The following OR10AG1 variants were observed in gnomAD, a reference collection of about 807,000 sequenced individuals.
OR10AG1 encodes olfactory receptor family 10 subfamily AG member 1, also known as olfactory receptor 10AG1.
For missense variants in OR10AG1, 433 were observed against 376.5 expected, an observed-to-expected ratio of 1.15 and a Z score of -1.24; for synonymous variants, 147 against 128.6, an observed-to-expected ratio of 1.14 and a Z score of -0.97.
chr11:55,969,564 T>A (rs1367865673), intron 1 of OR10AG1, among the ~76,000 whole-genome samples: 1 of 152,164 alleles, frequency 6.6e-6, no homozygotes, highest in Non-Finnish European at 1.5e-5. Flanking sequence ...ATACCTATTT[T>A]AGCCCGGTCA....
chr11:55,968,886 T>A (rs577681193), intron 1 of OR10AG1, among the ~76,000 whole-genome samples: 95 of 152,212 alleles, frequency 6.2e-4, no homozygotes, highest in African/African-American at 2.2e-3. Context: ...CCAGTTTTTT[T>A]AATTCAAAAT....
rs752834906 is a variant in OR10AG1, at chr11:55,967,677, T to A, written c.847A>T (p.Lys283Ter). The A allele has an allele frequency of 5.0e-6, 8 of 1,613,740 alleles. 1 individual carries two copies. The South Asian group carries it at 8.8e-5, about 18-fold the overall frequency. ...ATGGTGTAGAAAAGAGAAATCAGTT[T>A]CCCCATCCTTTGAAACTGATGTGGT... ...PKPHQFQRMG[K>*]LISLFYTILI... Residue 283 changes from lysine (K) to a stop codon, truncating the protein, a stop_gained, in exon 2 of 2, where the codon AAA becomes TAA. Coordinates refer to ENST00000641071, the MANE Select transcript of OR10AG1 (RefSeq NM_001005491.2). LOFTEE classifies it low-confidence loss of function (END_TRUNC).
rs1427798844 is a variant in OR10AG1 at position 55,967,338 on chromosome 11, T to C, written c.*220A>G. On this transcript the variant is annotated 3_prime_UTR_variant, in exon 2 of 2. Transcript: ENST00000641071. ...CTTAATCAACAGTTAACCATTGATC[T>C]TCAGAATGAGATCTTGGCACCTTAG... The C allele has an allele frequency of 2.3e-6, 1 of 429,756 alleles. No homozygotes were observed. The highest frequency in any genetic ancestry group is 4.1e-6 in the Non-Finnish European group (1 of 242,736). 26.6% of individuals were successfully genotyped at this position (429,756 alleles called of 1,614,324 possible).
Position 55,967,359 on chromosome 11 carries a change from CTTAG to C in OR10AG1, c.*195_*198del, listed in dbSNP as rs1225010883. 12 of 461,828 alleles carry C rather than the reference CTTAG, an allele frequency of 2.6e-5. No individual in the cohort carries two copies. The Admixed American group carries it at 2.7e-4, about 11-fold the overall frequency. 28.6% of individuals were successfully genotyped at this position (461,828 alleles called of 1,614,324 possible). On this transcript the variant is annotated 3_prime_UTR_variant, in exon 2 of 2. Coordinates refer to ENST00000641071, the MANE Select transcript of OR10AG1 (RefSeq NM_001005491.2). ...GATCTTCAGAATGAGATCTTGGCACCTTAGTTAAATTGTGCTCCAACTGCACAGT... is the reference window on the plus strand; with the variant it reads ...GATCTTCAGAATGAGATCTTGGCACCTTAAATTGTGCTCCAACTGCACAGT...
In OR10AG1 at chr11:55,969,904, G is replaced by T. The variant is rs957512849; in HGVS notation, c.4C>A (p.Gln2Lys). 2.5e-6 allele frequency: 1 copy of T among 398,194 alleles called. No individual in the cohort carries two copies. The highest frequency in any genetic ancestry group is 4.4e-6 in the Non-Finnish European group (1 of 225,918). 24.7% of individuals were successfully genotyped at this position (398,194 alleles called of 1,614,324 possible). Residue 2 changes from glutamine (Q) to lysine (K), a missense_variant, in exon 1 of 2, where the codon CAA becomes AAA. Gln to Lys is a moderately conservative substitution (Grantham distance 53, BLOSUM62 1). Coordinates refer to ENST00000641071, the MANE Select transcript of OR10AG1 (RefSeq NM_001005491.2). M[Q>K]IPKDGEQTKR... is the part of the protein sequence containing the mutation. ...AATTATGGCTTACCTTTAGGGATTT[G>T]CATGAAGCTGTCTGTACAGACTTTT... is the stretch of plus-strand genomic sequence containing the variant.
rs1009977854 is a variant in OR10AG1 at position 55,967,358 on chromosome 11, C to A, written c.*200G>T. On this transcript the variant is annotated 3_prime_UTR_variant, in exon 2 of 2. Transcript: ENST00000641071. ...TGATCTTCAGAATGAGATCTTGGCA[C>A]CTTAGTTAAATTGTGCTCCAACTGC... 6.5e-6 allele frequency: 3 copies of A among 461,630 alleles called. No individual in the cohort carries two copies. The South Asian group carries it at 1.1e-4, about 16-fold the overall frequency. 28.6% of individuals were successfully genotyped at this position (461,630 alleles called of 1,614,324 possible). A position where few individuals can be genotyped will look rare whatever the true frequency, so the allele number is the denominator to read the frequency against.
In OR10AG1 at chr11:55,968,334, G is replaced by C; in HGVS notation, c.190C>G (p.Pro64Ala). Residue 64 changes from proline (P) to alanine (A), a missense_variant, in exon 2 of 2, where the codon CCC becomes GCC. By Grantham distance (27) the Pro-to-Ala change is conservative. Transcript: ENST00000641071. ...AAATACATGGGAGTCTGGAGAGCGG[G>C]GTGAATTTTTATTAGTAGTATTATG... The part of the protein sequence containing the change: ...GIIILLIKIH[P>A]ALQTPMYFFL... The C allele has an allele frequency of 6.2e-7, 1 of 1,612,956 alleles. No homozygotes were observed. Among genetic ancestry groups the C allele is most frequent in the Non-Finnish European group, 8.5e-7 (1 of 1,179,112 alleles).
chr11:55,968,321 G>A lies in OR10AG1; in HGVS notation c.203C>T (p.Thr68Ile). Residue 68 changes from threonine to isoleucine, a missense_variant, in exon 2 of 2, where the codon ACT becomes ATT. By Grantham distance (89) the Thr-to-Ile change is moderately conservative (BLOSUM62 -1). Coordinates refer to ENST00000641071, the MANE Select transcript of OR10AG1 (RefSeq NM_001005491.2). ...ATTGCTAAGAAAAAAATACATGGGAGTCTGGAGAGCGGGGTGAATTTTTAT... is the reference window on the plus strand; with the variant it reads ...ATTGCTAAGAAAAAAATACATGGGAATCTGGAGAGCGGGGTGAATTTTTAT... ...LLIKIHPALQ[T>I]PMYFFLSNFS... is the part of the protein sequence containing the mutation. The A allele has an allele frequency of 6.2e-7, 1 of 1,613,416 alleles. No homozygotes were observed. The highest frequency in any genetic ancestry group is 8.5e-7 in the Non-Finnish European group (1 of 1,179,444).
rs932636464 is a variant in OR10AG1, at chr11:55,967,517, A to C, written c.*41T>G. The C allele has an allele frequency of 2.2e-6, 3 of 1,339,436 alleles. No homozygotes were observed. The highest frequency in any genetic ancestry group is 3.1e-6 in the Non-Finnish European group (3 of 970,076). The allele number at this position is 1,339,436 out of a possible 1,614,324, so 83.0% of individuals were successfully genotyped here. On this transcript the variant is annotated 3_prime_UTR_variant, in exon 2 of 2. Transcript: ENST00000641071. ...AAAAATTCACTGAAGCCACATGACAAACCTATAAAGAAATTATTTCTGTAA... is the reference window on the plus strand; with the variant it reads ...AAAAATTCACTGAAGCCACATGACACACCTATAAAGAAATTATTTCTGTAA...
In OR10AG1 at chr11:55,968,507, T is replaced by G; in HGVS notation, c.17A>C (p.Asp6Ala). ...TTTTTCTCTTTTAGTTTGCTCTCCA[T>G]CTGCAGATATAGCAAATTCAAGACA... MQIPK[D>A]GEQTKREKSN... Residue 6 changes from aspartate (D) to alanine (A), a missense_variant and splice_region_variant, in exon 2 of 2, where the codon GAT becomes GCT. Asp to Ala is a moderately radical substitution (Grantham distance 126). Transcript: ENST00000641071. 1 of 1,233,132 alleles carries G rather than the reference T, an allele frequency of 8.1e-7. No individual in the cohort carries two copies. Among genetic ancestry groups the G allele is most frequent in the Non-Finnish European group, 1.1e-6 (1 of 876,800 alleles). The allele number at this position is 1,233,132 out of a possible 1,614,324, so 76.4% of individuals were successfully genotyped here. A position where few individuals can be genotyped will look rare whatever the true frequency, so the allele number is the denominator to read the frequency against.
At chr11:55,968,694 C>A (rs1852716182) in intron 1 of OR10AG1, among the ~76,000 whole-genome samples, 187 bp from the exon 2 acceptor site, 1 of 151,890 alleles carries the variant, frequency 6.6e-6, no homozygotes, top group Non-Finnish European at 1.5e-5. Context: ...AATGAAACCT[C>A]AATATATTTT....
At chr11:55,969,172 A>G (rs1229862984) in intron 1 of OR10AG1, among the ~76,000 whole-genome samples, 1 of 152,020 alleles carries the variant, frequency 6.6e-6, no homozygotes, top group Non-Finnish European at 1.5e-5. Context: ...CAAGATGTAG[A>G]AATTCATCAC....
chr11:55,967,596 C>A lies in OR10AG1; in HGVS notation c.928G>T (p.Val310Leu). 1 of 1,600,310 alleles carries A rather than the reference C, an allele frequency of 6.2e-7. No individual in the cohort carries two copies. The highest frequency in any genetic ancestry group is 1.1e-5 in the South Asian group (1 of 88,624). ...TTAGCTAGTAATTTTCTCAATGCCA[C>A]CATGATATCTTTGTTCCTCAGGGTA... The part of the protein sequence containing the change: ...IYTLRNKDIM[V>L]ALRKLLAKLL... The change falls in exon 2 of 2, where the codon GTG (valine) becomes TTG (leucine). Residue 310 changes from valine to leucine, a missense_variant. Physicochemically the swap from Val to Leu is conservative, Grantham distance 32. Coordinates refer to ENST00000641071, the MANE Select transcript of OR10AG1 (RefSeq NM_001005491.2).
In OR10AG1 at chr11:55,968,185, A is replaced by C; in HGVS notation, c.339T>G (p.Cys113Trp). 1 of 1,614,094 alleles carries C rather than the reference A, an allele frequency of 6.2e-7. No homozygotes were observed. Among genetic ancestry groups the C allele is most frequent in the African/African-American group, 1.3e-5 (1 of 74,978 alleles). The stretch of plus-strand genomic sequence containing the variant: ...CCGTGCCTCCAAGCATAAGAAAAAA[A>C]CACATTTGTGTAGCACAAGCAAACA... ...ISLFACATQMCFFLMLGGTEC... is the reference protein window; with the variant it reads ...ISLFACATQMWFFLMLGGTEC... Residue 113 changes from cysteine (C) to tryptophan (W), a missense_variant, in exon 2 of 2, where the codon TGT becomes TGG. Coordinates refer to ENST00000641071, the MANE Select transcript of OR10AG1 (RefSeq NM_001005491.2).
chr11:55,967,680 C>T lies in OR10AG1; in HGVS notation c.844G>A (p.Gly282Arg). 6.2e-7 allele frequency: 1 copy of T among 1,613,166 alleles called. No individual in the cohort carries two copies. The highest frequency in any genetic ancestry group is 8.5e-7 in the Non-Finnish European group (1 of 1,179,276). ...GTGTAGAAAAGAGAAATCAGTTTCC[C>T]CATCCTTTGAAACTGATGTGGTTTG... The part of the protein sequence containing the change: ...QPKPHQFQRM[G>R]KLISLFYTIL... The change falls in exon 2 of 2, where the codon GGG (glycine) becomes AGG (arginine). Residue 282 changes from glycine to arginine, a missense_variant. Coordinates refer to ENST00000641071, the MANE Select transcript of OR10AG1 (RefSeq NM_001005491.2).
At position 55,966,902 on chromosome 11, in the gene OR10AG1, T is replaced by C. The variant is rs529865185; in HGVS notation, c.*656A>G. The C allele has an allele frequency of 1.3e-5, 2 of 152,142 alleles. No individual in the cohort carries two copies. Among genetic ancestry groups the C allele is most frequent in the East Asian group, 3.9e-4 (2 of 5,172 alleles). 9.4% of individuals were successfully genotyped at this position (152,142 alleles called of 1,614,324 possible). A position where few individuals can be genotyped will look rare whatever the true frequency, so the allele number is the denominator to read the frequency against. ...TAGTTGGAGATTTCTATTTTGAGGGTCCAACATTCAACCCAACACACATAG... is the reference window on the plus strand; with the variant it reads ...TAGTTGGAGATTTCTATTTTGAGGGCCCAACATTCAACCCAACACACATAG... On this transcript the variant is annotated 3_prime_UTR_variant, in exon 2 of 2. Coordinates refer to ENST00000641071, the MANE Select transcript of OR10AG1 (RefSeq NM_001005491.2).
In OR10AG1 at chr11:55,967,601, A is replaced by G. The variant is rs1426698278; in HGVS notation, c.923T>C (p.Ile308Thr). 1 of 1,602,276 alleles carries G rather than the reference A, an allele frequency of 6.2e-7. No individual in the cohort carries two copies. The highest frequency in any genetic ancestry group is 2.2e-5 in the East Asian group (1 of 44,828). Residue 308 changes from isoleucine to threonine, a missense_variant, in exon 2 of 2, where the codon ATC (isoleucine) becomes ACC (threonine). Transcript: ENST00000641071. ...PIIYTLRNKDIMVALRKLLAK... is the reference protein window; with the variant it reads ...PIIYTLRNKDTMVALRKLLAK... Reference sequence around the variant, plus strand: ...TAGTAATTTTCTCAATGCCACCATGATATCTTTGTTCCTCAGGGTATATAT... The same window carrying G: ...TAGTAATTTTCTCAATGCCACCATGGTATCTTTGTTCCTCAGGGTATATAT...
In OR10AG1 at chr11:55,967,430, A is replaced by G. The variant is rs1403915142; in HGVS notation, c.*128T>C. 6.5e-6 allele frequency: 4 copies of G among 612,902 alleles called. No individual in the cohort carries two copies. The highest frequency in any genetic ancestry group is 1.9e-5 in the African/African-American group (1 of 53,924). 38.0% of individuals were successfully genotyped at this position (612,902 alleles called of 1,614,324 possible). A position where few individuals can be genotyped will look rare whatever the true frequency, so the allele number is the denominator to read the frequency against. On this transcript the variant is annotated 3_prime_UTR_variant, in exon 2 of 2. Transcript: ENST00000641071. The stretch of plus-strand genomic sequence containing the variant: ...CTGTGAATAAAACACCCCTTGACAT[A>G]ATGTAAGTTTGTATTTAAATTTCAG...
In OR10AG1 at chr11:55,966,019, G is replaced by T. The variant is rs1263806654; in HGVS notation, c.*1539C>A. 1 of 151,836 alleles carries T rather than the reference G, an allele frequency of 6.6e-6. No homozygotes were observed. Among genetic ancestry groups the T allele is most frequent in the Admixed American group, 6.6e-5 (1 of 15,254 alleles). The allele number at this position is 151,836 out of a possible 1,614,324, so 9.4% of individuals were successfully genotyped here. On this transcript the variant is annotated 3_prime_UTR_variant, in exon 2 of 2. Transcript: ENST00000641071. The stretch of plus-strand genomic sequence containing the variant: ...ATATGCATTCTTACATATTAGGGAA[G>T]TAGGAATTTCTTCAATTGAGCAGTT...
Sources: allele counts gnomAD v4.1 joint callset (sites outside exome capture counted in the v4.1 genomes callset), GRCh38; gene constraint gnomAD v4.1.1; transcripts MANE v1.5; gene names NCBI Gene and HGNC (gene_info 2026-07-23, HGNC 2026-07-21).